The following GHR variants were observed in gnomAD, a reference collection of about 807,000 sequenced individuals.
GHR encodes growth hormone receptor, also known as GH receptor.
A neutral mutation model predicts 67.1 loss-of-function variants in GHR; 35 were observed. The observed-to-expected ratio is 0.52, with a 90% CI of 0.40 to 0.69. GHR has a LOEUF of 0.69. Ranked by LOEUF, GHR falls within the 30% of genes least tolerant of loss-of-function variation. The probability of loss-of-function intolerance (pLI) is 0.00; values close to 1 mark genes in which losing one functional copy is unlikely to be tolerated. For missense variants in GHR, 792 were observed against 764.6 expected, an observed-to-expected ratio of 1.04 and a Z score of -0.42; for synonymous variants, 272 against 269.1, an observed-to-expected ratio of 1.01 and a Z score of -0.10.
At chr5:42,631,827 A>C (rs925269253) in intron 3 of GHR, among the ~76,000 whole-genome samples, 9 of 152,198 alleles carry the variant, frequency 5.9e-5, no homozygotes, top group African/African-American at 2.2e-4. Flanking sequence ...TCCTAGCCAG[A>C]ACTGACCAAA....
intron 1 of GHR, among the ~76,000 whole-genome samples, chr5:42,478,806 G>A (rs1466063845): frequency 2.6e-5 from 4 of 152,124 alleles, no homozygotes; most frequent in Non-Finnish European, 4.4e-5. Context: ...GGGTTTTCTA[G>A]ATATATAATC....
At chr5:42,659,975 G>C (rs1580143841) in intron 3 of GHR, among the ~76,000 whole-genome samples, 1 of 152,204 alleles carries the variant, frequency 6.6e-6, no homozygotes, top group Non-Finnish European at 1.5e-5. Flanking sequence ...CTGGCTCGGA[G>C]GGTCCTACGC....
chr5:42,550,779 G>A (rs766232782), intron 1 of GHR, among the ~76,000 whole-genome samples: 75 of 152,170 alleles, frequency 4.9e-4, no homozygotes, highest in Non-Finnish European at 7.5e-4. Flanking sequence ...AAAGGGGCAC[G>A]TGTTTAGTGT....
chr5:42,652,627 A>C (rs1226866054), intron 3 of GHR, among the ~76,000 whole-genome samples: 4 of 152,164 alleles, frequency 2.6e-5, no homozygotes, highest in African/African-American at 9.7e-5. Context: ...TACCACTTGA[A>C]AATATTATCA....
At chr5:42,663,829 T>C (rs894590632) in intron 3 of GHR, among the ~76,000 whole-genome samples, 1 of 152,178 alleles carries the variant, frequency 6.6e-6, no homozygotes, top group Non-Finnish European at 1.5e-5. Flanking sequence ...ATGACATGAT[T>C]GTATATCTAG....
intron 1 of GHR, chr5:42,466,968 G>C (rs1744759290): frequency 6.4e-7 from 1 of 1,564,252 alleles, no homozygotes. Context: ...TATATTCATA[G>C]GGCTTCTCCC....
intron 2 of GHR, among the ~76,000 whole-genome samples, chr5:42,574,153 A>G (rs1750504453): frequency 1.3e-5 from 2 of 152,224 alleles, no homozygotes; most frequent in Admixed American, 6.5e-5. Context: ...GCTTTCCTTA[A>G]TAATAGCTAA....
At chr5:42,635,406 T>C (rs1754127256) in intron 3 of GHR, among the ~76,000 whole-genome samples, 1 of 152,226 alleles carries the variant, frequency 6.6e-6, no homozygotes, top group Non-Finnish European at 1.5e-5. Context: ...GAAGAAGATA[T>C]TGCCAATGCA....
Position 42,718,762 on chromosome 5 carries a change from G to A in GHR, c.1255G>A (p.Gly419Arg). ...SEVAQPQRLKGEADLLCLDQK... is the reference protein window; with the variant it reads ...SEVAQPQRLKREADLLCLDQK... Reference sequence around the variant, plus strand: ...GGTTGCTCAGCCACAGAGGTTAAAAGGGGAAGCAGATCTCTTATGCCTTGA... The same window carrying A: ...GGTTGCTCAGCCACAGAGGTTAAAAAGGGAAGCAGATCTCTTATGCCTTGA... The change falls in exon 10 of 10, where the codon GGG becomes AGG. Residue 419 changes from glycine to arginine, a missense_variant. By Grantham distance (125) the Gly-to-Arg change is moderately radical (BLOSUM62 -2). Coordinates refer to ENST00000230882, the MANE Select transcript of GHR (RefSeq NM_000163.5). 1 of 1,614,148 alleles carries A rather than the reference G, an allele frequency of 6.2e-7. No individual in the cohort carries two copies. Among genetic ancestry groups the A allele is most frequent in the Non-Finnish European group, 8.5e-7 (1 of 1,180,024 alleles).
At chr5:42,628,181 G>A (rs1021782640) in intron 2 of GHR, among the ~76,000 whole-genome samples, 14 of 152,144 alleles carry the variant, frequency 9.2e-5, no homozygotes, top group Non-Finnish European at 1.6e-4. Context: ...TGGTCTGCTG[G>A]TCTGCTTCTG....
At chr5:42,644,042 G>A (rs576734707) in intron 3 of GHR, among the ~76,000 whole-genome samples, 1 of 151,994 alleles carries the variant, frequency 6.6e-6, no homozygotes, top group East Asian at 1.9e-4. Flanking sequence ...AAAAGAAATG[G>A]TAGGATTAGA....
chr5:42,641,083 T>C lies in GHR; in HGVS notation c.136+11980T>C, dbSNP rs551726758. Among the ~76,000 whole-genome samples the C allele has an allele frequency of 3.3e-5, 5 of 152,038 alleles. No homozygotes were observed. The East Asian group carries it at 9.7e-4, about 29-fold the overall frequency. ...TGCCCTTAGTCATGATCAAATAAAA[T>C]GTACACATTGTTTGGCACTTGGTAA... On this transcript the variant is annotated intron_variant, in intron 3 of 9. Coordinates refer to ENST00000230882, the MANE Select transcript of GHR (RefSeq NM_000163.5).
At chr5:42,508,490 TATAA>T (rs1746870848) in intron 1 of GHR, among the ~76,000 whole-genome samples, 1 of 152,218 alleles carries the variant, frequency 6.6e-6, no homozygotes, top group Admixed American at 6.5e-5. Context: ...TGCTGTTTAT[TATAA>T]ATAGTGAGAC....
At position 42,688,799 on chromosome 5, in the gene GHR, T is replaced by C. The variant is rs575650215; in HGVS notation, c.137-91T>C. Reference sequence around the variant, plus strand: ...ACGGAATACACTGGCTTCATCCCAGTAGTTTCTTCACACACTTTAGATACG... The same window carrying C: ...ACGGAATACACTGGCTTCATCCCAGCAGTTTCTTCACACACTTTAGATACG... On this transcript the variant is annotated intron_variant, in intron 3 of 9. Transcript: ENST00000230882. The C allele has an allele frequency of 3.2e-5, 37 of 1,165,508 alleles. No individual in the cohort carries two copies. In the South Asian group the frequency reaches 3.8e-4, roughly 12 times the overall value. 72.2% of individuals were successfully genotyped at this position (1,165,508 alleles called of 1,614,324 possible). A position where few individuals can be genotyped will look rare whatever the true frequency, so the allele number is the denominator to read the frequency against.
intron 1 of GHR, among the ~76,000 whole-genome samples, chr5:42,425,733 G>A (rs1742823357): frequency 6.6e-6 from 1 of 152,188 alleles, no homozygotes; most frequent in Admixed American, 6.5e-5. Flanking sequence ...TAAAGAGGTT[G>A]TCCCGTCTCT....
At chr5:42,493,799 T>C (rs1256217480) in intron 1 of GHR, among the ~76,000 whole-genome samples, 1 of 152,212 alleles carries the variant, frequency 6.6e-6, no homozygotes, top group Admixed American at 6.5e-5. Context: ...ATTAGTAAAA[T>C]GCAAACAGGG....
chr5:42,444,571 T>C (rs1415765453), intron 1 of GHR, among the ~76,000 whole-genome samples: 1 of 152,232 alleles, frequency 6.6e-6, no homozygotes, highest in Non-Finnish European at 1.5e-5. Flanking sequence ...ATCATCTTAT[T>C]GCCTGGGGAC....
rs990046399 is a variant in GHR at position 42,720,823 on chromosome 5, T to A, written c.*1399T>A. 6.6e-6 allele frequency: 1 copy of A among 152,338 alleles called. No individual in the cohort carries two copies. The highest frequency in any genetic ancestry group is 2.1e-4 in the South Asian group (1 of 4,816). 9.4% of individuals were successfully genotyped at this position (152,338 alleles called of 1,614,324 possible). ...CATCATTTTTTACTTCCTCTCTGAGTGGACTGGCCTCAAAGCAAGCATTCA... is the reference window on the plus strand; with the variant it reads ...CATCATTTTTTACTTCCTCTCTGAGAGGACTGGCCTCAAAGCAAGCATTCA... On this transcript the variant is annotated 3_prime_UTR_variant, in exon 10 of 10. Transcript: ENST00000230882.
chr5:42,461,408 C>T (rs1258071096), intron 1 of GHR, among the ~76,000 whole-genome samples: 1 of 152,224 alleles, frequency 6.6e-6, no homozygotes, highest in Non-Finnish European at 1.5e-5. Context: ...TTCCAGCTTC[C>T]TATCATAATC....
Sources: allele counts gnomAD v4.1 joint callset (sites outside exome capture counted in the v4.1 genomes callset), GRCh38; gene constraint gnomAD v4.1.1; transcripts MANE v1.5; gene names NCBI Gene and HGNC (gene_info 2026-07-23, HGNC 2026-07-21).